ABCC1: variants seen among roughly 807,000 people sequenced by gnomAD.
The protein encoded by ABCC1 is multidrug resistance-associated protein 1.
ABCC1 carries 83 observed loss-of-function variants against 172.9 expected under a neutral mutation model. The ratio of observed to expected loss-of-function variants is 0.48; its 90% confidence interval spans 0.40 to 0.58. ABCC1 has a LOEUF of 0.58. Among genes scored for constraint, ABCC1 ranks in the 20% least tolerant of loss-of-function variants. ABCC1 has a pLI of 0.00. For missense variants in ABCC1, 1,817 were observed against 2,002.7 expected, an observed-to-expected ratio of 0.91 and a Z score of 1.77; for synonymous variants, 937 against 825.2, an observed-to-expected ratio of 1.14 and a Z score of -2.32.
rs371872586 is a variant in ABCC1 at position 16,050,513 on chromosome 16, G to T, written c.1380+2210G>T. Among the ~76,000 whole-genome samples the T allele has an allele frequency of 3.2e-3, 488 of 150,618 alleles. 3 individuals carry two copies. The highest frequency in any genetic ancestry group is 0.014 in the Middle Eastern group (4 of 294). ...TACTGGTTTATTTGGCTGTAGTTTGGTTTTTTTTTGTACATTTGTAGAGCA... is the reference window on the plus strand; with the variant it reads ...TACTGGTTTATTTGGCTGTAGTTTGTTTTTTTTTTGTACATTTGTAGAGCA... On this transcript the variant is annotated intron_variant, in intron 10 of 30. Coordinates refer to ENST00000399410, the MANE Select transcript of ABCC1 (RefSeq NM_004996.4).
chr16:15,956,301 A>C (rs551526327), intron 1 of ABCC1, among the ~76,000 whole-genome samples: 6 of 151,810 alleles, frequency 4.0e-5, no homozygotes, highest in African/African-American at 1.5e-4. Context: ...GTAGGCGGAC[A>C]CTGCAGTGAG....
Position 16,014,580 on chromosome 16 carries a change from G to A in ABCC1, c.441G>A (p.Val147=), listed in dbSNP as rs1308121927. 2 of 1,614,094 alleles carry A rather than the reference G, an allele frequency of 1.2e-6. No individual in the cohort carries two copies. Among genetic ancestry groups the A allele is most frequent in the South Asian group, 1.1e-5 (1 of 91,082 alleles). The change falls in exon 4 of 31, where the codon GTG becomes GTA. Residue 147 remains valine, a synonymous_variant. Transcript: ENST00000399410. ...TCACTTTCTGGCTGGTAGCCCTAGT[G>A]TGTGCCCTAGCCATCCTGAGATCCA... ...IMLTFWLVAL[V]CALAILRSKI... is the part of the protein sequence containing the mutation.
At chr16:16,067,525 C>T (rs1281866318) in intron 12 of ABCC1, among the ~76,000 whole-genome samples, 1 of 152,102 alleles carries the variant, frequency 6.6e-6, no homozygotes, top group Admixed American at 6.6e-5. Flanking sequence ...GCCAACAGCC[C>T]TTAAAAGCCT....
rs2049191244 is a variant in ABCC1, at chr16:16,045,977, G to A, written c.1182G>A (p.Arg394=). The part of the protein sequence containing the change: ...YFHICFVSGM[R]IKTAVIGAVY... Reference sequence around the variant, plus strand: ...ACATCTGCTTCGTCAGTGGCATGAGGATCAAGACCGCTGTCATTGGGGCTG... The same window carrying A: ...ACATCTGCTTCGTCAGTGGCATGAGAATCAAGACCGCTGTCATTGGGGCTG... Residue 394 remains arginine (R), a synonymous_variant, in exon 9 of 31, where the codon AGG becomes AGA. Coordinates refer to ENST00000399410, the MANE Select transcript of ABCC1 (RefSeq NM_004996.4). 1.9e-6 allele frequency: 3 copies of A among 1,614,164 alleles called. No homozygotes were observed. The highest frequency in any genetic ancestry group is 2.5e-6 in the Non-Finnish European group (3 of 1,180,028).
rs1597110555 is a variant in ABCC1 at position 16,009,678 on chromosome 16, G to A, written c.226-98G>A. 6 of 1,294,606 alleles carry A rather than the reference G, an allele frequency of 4.6e-6. No homozygotes were observed. In the East Asian group the frequency reaches 1.6e-4, roughly 34 times the overall value. 80.2% of individuals were successfully genotyped at this position (1,294,606 alleles called of 1,614,324 possible). On this transcript the variant is annotated intron_variant, in intron 2 of 30. Transcript: ENST00000399410. The stretch of plus-strand genomic sequence containing the variant: ...GACTGTGGCTGATCATTTGAAGGCT[G>A]GCTGGTTCTCCTATCCCTGGGGCTG...
intron 12 of ABCC1, among the ~76,000 whole-genome samples, chr16:16,058,192 A>G (rs1243137555): frequency 6.6e-6 from 1 of 152,146 alleles, no homozygotes; most frequent in Non-Finnish European, 1.5e-5. Flanking sequence ...AAATCAGGAG[A>G]CCATACAGAG....
chr16:16,074,064 C>T (rs2050459770), intron 14 of ABCC1, among the ~76,000 whole-genome samples: 1 of 152,190 alleles, frequency 6.6e-6, no homozygotes, highest in African/African-American at 2.4e-5. Flanking sequence ...TCAGCATCTT[C>T]AGCTCAGCCC....
chr16:16,062,649 G>A (rs1432210600), intron 12 of ABCC1, among the ~76,000 whole-genome samples: 2 of 152,204 alleles, frequency 1.3e-5, no homozygotes, highest in African/African-American at 4.8e-5. Flanking sequence ...CCTGGCCGAG[G>A]CATCGAAGCC....
At chr16:16,105,714 CTTTT>C (rs71137912) in intron 20 of ABCC1, among the ~76,000 whole-genome samples, 2 of 130,382 alleles carry the variant, frequency 1.5e-5, no homozygotes, top group Non-Finnish European at 3.2e-5. Context: ...CTTTTCTTTT[CTTTT>C]TTTTTTTTTT....
intron 12 of ABCC1, among the ~76,000 whole-genome samples, chr16:16,056,768 T>C (rs1013904954): frequency 2.0e-5 from 3 of 152,170 alleles, no homozygotes; most frequent in African/African-American, 7.2e-5. Context: ...TATTCACACT[T>C]AGCAGCTTCT....
chr16:16,100,439 C>T (rs936393923), intron 19 of ABCC1, among the ~76,000 whole-genome samples: 8 of 152,110 alleles, frequency 5.3e-5, no homozygotes, highest in Non-Finnish European at 1.2e-4. Flanking sequence ...CATCCCTGCA[C>T]AGAGAAAGAT....
chr16:16,018,454 C>T (rs548539485), intron 5 of ABCC1, among the ~76,000 whole-genome samples: 36 of 152,226 alleles, frequency 2.4e-4, no homozygotes, highest in African/African-American at 6.7e-4. Flanking sequence ...GAGGCTGAGG[C>T]AGGAGAATCT....
rs34479623 is a variant in ABCC1 at position 16,021,316 on chromosome 16, AT to A, written c.615+4706del. ...GGCTTGGCATGGTGTCAAGAGCCTTATTTTTTTTTTTAATGTTGCATTTTGG... is the reference window on the plus strand; with the variant it reads ...GGCTTGGCATGGTGTCAAGAGCCTTATTTTTTTTTTAATGTTGCATTTTGG... On this transcript the variant is annotated intron_variant, in intron 5 of 30. Coordinates refer to ENST00000399410, the MANE Select transcript of ABCC1 (RefSeq NM_004996.4). 7.4e-4 allele frequency among the ~76,000 whole-genome samples: 108 copies of A among 146,932 alleles called. 1 individual carries two copies. The South Asian group carries it at 0.011, about 15-fold the overall frequency.
At chr16:16,125,621 T>C (rs1355073863) in intron 25 of ABCC1, among the ~76,000 whole-genome samples, 189 bp from the exon 26 acceptor site, 1 of 151,652 alleles carries the variant, frequency 6.6e-6, no homozygotes, top group Non-Finnish European at 1.5e-5. Flanking sequence ...TAGTGACTGA[T>C]GGGGTTTCGC....
At chr16:16,010,037 C>CTTCTTT (rs2047717439) in intron 3 of ABCC1, 136 bp downstream of exon 3, 1 of 100,498 alleles carries the variant, frequency 1.0e-5, no homozygotes, top group South Asian at 2.2e-4. Flanking sequence ...TAAATGTAGC[C>CTTCTTT]TTTTTTTTTT....
chr16:16,016,530 T>A lies in ABCC1; in HGVS notation c.524T>A (p.Phe175Tyr), dbSNP rs1258832316. The A allele has an allele frequency of 1.9e-6, 3 of 1,614,050 alleles. No individual in the cohort carries two copies. Among genetic ancestry groups the A allele is most frequent in the African/African-American group, 1.3e-5 (1 of 74,930 alleles). Reference sequence around the variant, plus strand: ...GTGGACCTGTTTCGTGACATCACTTTCTACGTCTACTTTTCCCTCTTACTC... The same window carrying A: ...GTGGACCTGTTTCGTGACATCACTTACTACGTCTACTTTTCCCTCTTACTC... ...AQVDLFRDIT[F>Y]YVYFSLLLIQ... The change falls in exon 5 of 31, where the codon TTC becomes TAC. Residue 175 changes from phenylalanine (F) to tyrosine (Y), a missense_variant. Around this residue, in one of 3 missense-constraint regions of ABCC1, gnomAD observed 398 missense variants for 384.2 expected, o/e 1.04. Coordinates refer to ENST00000399410, the MANE Select transcript of ABCC1 (RefSeq NM_004996.4).
intron 5 of ABCC1, among the ~76,000 whole-genome samples, chr16:16,023,462 C>T (rs1355358614): frequency 1.3e-5 from 2 of 152,202 alleles, no homozygotes; most frequent in Non-Finnish European, 2.9e-5. Flanking sequence ...CCTTCATGAT[C>T]AGTCTCTGTC....
At chr16:15,954,738 A>G (rs939965781) in intron 1 of ABCC1, among the ~76,000 whole-genome samples, 8 of 152,060 alleles carry the variant, frequency 5.3e-5, no homozygotes, top group African/African-American at 1.9e-4. Context: ...TCCGAGGACA[A>G]GTTCCATTTG....
intron 1 of ABCC1, among the ~76,000 whole-genome samples, chr16:15,967,579 A>AAATAATAAT (rs541725736): frequency 1.4e-5 from 2 of 145,552 alleles, no homozygotes; most frequent in African/African-American, 2.5e-5. Flanking sequence ...CATCTCTACA[A>AAATAATAAT]AATAATAATA....
Sources: gnomAD v4.1 joint callset for allele counts (sites outside exome capture counted in the v4.1 genomes callset) on GRCh38, gnomAD v4.1.1 for gene constraint, gnomAD v4.1.1 regional missense constraint, MANE v1.5 for transcripts, NCBI Gene and HGNC (gene_info 2026-07-23, HGNC 2026-07-21) for gene names.